Variants in ERC2 observed in about 807,000 individuals in gnomAD.
The protein encoded by ERC2 is ERC protein 2.
ERC2 carries 42 observed loss-of-function variants against 114.8 expected under a neutral mutation model. The observed-to-expected ratio is 0.37, with a 90% CI of 0.29 to 0.47. The LOEUF (loss-of-function observed/expected upper bound fraction) is 0.47. ERC2 is among the 20% of genes least tolerant of loss of function. The pLI is 0.99. For missense variants in ERC2, 939 were observed against 1,150.7 expected (o/e 0.82, Z 2.66); for synonymous variants, 454 against 425.5 (o/e 1.07, Z -0.82).
chr3:55,740,073 A>C (rs1244140626), intron 14 of ERC2, among the ~76,000 whole-genome samples: 5 of 152,084 alleles, frequency 3.3e-5, no homozygotes, highest in African/African-American at 1.2e-4. Flanking sequence ...TTAAGCTTTA[A>C]CACTTATTTA....
chr3:56,437,662 G>A (rs889653157), intron 1 of ERC2, among the ~76,000 whole-genome samples: 5 of 152,012 alleles, frequency 3.3e-5, no homozygotes, highest in Non-Finnish European at 7.4e-5. Context: ...GCTTAATTTT[G>A]TTTTTCTTGG....
chr3:56,255,507 A>C (rs548432041), intron 3 of ERC2, among the ~76,000 whole-genome samples: 3 of 152,256 alleles, frequency 2.0e-5, no homozygotes, highest in African/African-American at 7.2e-5. Flanking sequence ...AATGTGCATC[A>C]TCTCATCTCC....
chr3:56,104,989 C>T (rs773614707), intron 6 of ERC2, among the ~76,000 whole-genome samples: 16 of 151,852 alleles, frequency 1.1e-4, no homozygotes, highest in Non-Finnish European at 2.4e-4. Flanking sequence ...TGTAAGTCTC[C>T]ACTGAGAAGG....
At chr3:55,714,298 C>G (rs892077311) in intron 15 of ERC2, among the ~76,000 whole-genome samples, 3 of 151,992 alleles carry the variant, frequency 2.0e-5, no homozygotes, top group African/African-American at 4.8e-5. Context: ...ATATGTCTAC[C>G]CTGTGGTCCA....
chr3:55,924,412 G>A (rs1473113966), intron 13 of ERC2, among the ~76,000 whole-genome samples: 1 of 152,084 alleles, frequency 6.6e-6, no homozygotes, highest in Non-Finnish European at 1.5e-5. Flanking sequence ...TCCAGGTTTG[G>A]CCCACAGACC....
At chr3:55,961,890 T>G (rs558738753) in intron 12 of ERC2, among the ~76,000 whole-genome samples, 1 of 149,218 alleles carries the variant, frequency 6.7e-6, no homozygotes, top group South Asian at 2.1e-4. Context: ...CCTGGACTGA[T>G]TCTTCACATT....
intron 17 of ERC2, among the ~76,000 whole-genome samples, chr3:55,525,338 C>A (rs2053241106): frequency 6.6e-6 from 1 of 152,150 alleles, no homozygotes; most frequent in Non-Finnish European, 1.5e-5. Context: ...AGGACATAAA[C>A]CCTAATCTGG....
At chr3:55,687,504 T>G (rs936325893) in intron 16 of ERC2, among the ~76,000 whole-genome samples, 1 of 152,104 alleles carries the variant, frequency 6.6e-6, no homozygotes, top group African/African-American at 2.4e-5. Flanking sequence ...GGAAAGCAAG[T>G]AGAACCAGCG....
intron 2 of ERC2, among the ~76,000 whole-genome samples, chr3:56,307,803 T>G (rs185789848): frequency 1.1e-3 from 157 of 148,976 alleles, no homozygotes; most frequent in Non-Finnish European, 1.8e-3. Flanking sequence ...TATCATATAA[T>G]CATGTATTCA....
intron 13 of ERC2, among the ~76,000 whole-genome samples, chr3:55,935,585 C>T (rs1270654230): frequency 6.6e-6 from 1 of 152,172 alleles, no homozygotes; most frequent in Non-Finnish European, 1.5e-5. Flanking sequence ...AAAAGTATGG[C>T]TTCACTTAGA....
Position 55,820,930 on chromosome 3 carries a change from C to T in ERC2, c.2564+67459G>A, listed in dbSNP as rs575771656. On this transcript the variant is annotated intron_variant, in intron 14 of 17. Transcript: ENST00000288221. ...CAGCCTTCTTAGCCCCAGTGTCAGG[C>T]TAATGTTTTATAACTTGAAGGTTTC... Among the ~76,000 whole-genome samples, 5 of 152,220 alleles carry T rather than the reference C, an allele frequency of 3.3e-5. No homozygotes were observed. The South Asian group carries it at 1.0e-3, about 32-fold the overall frequency.
intron 7 of ERC2, among the ~76,000 whole-genome samples, chr3:56,056,784 T>C (rs1045924270): frequency 2.0e-5 from 3 of 152,154 alleles, no homozygotes; most frequent in African/African-American, 7.2e-5. Flanking sequence ...AGCCAATCAA[T>C]ATATTAAGAG....
chr3:55,862,497 T>A (rs1210836999), intron 14 of ERC2, among the ~76,000 whole-genome samples: 3 of 152,156 alleles, frequency 2.0e-5, no homozygotes, highest in Admixed American at 6.5e-5. Flanking sequence ...TATAACAGGA[T>A]AAACTAGGAT....
At chr3:55,855,068 A>G (rs2061733542) in intron 14 of ERC2, among the ~76,000 whole-genome samples, 2 of 152,188 alleles carry the variant, frequency 1.3e-5, no homozygotes, top group Admixed American at 6.5e-5. Flanking sequence ...CTCTCTTACC[A>G]ATGTTTATTT....
intron 2 of ERC2, among the ~76,000 whole-genome samples, chr3:56,337,575 A>G (rs1256750076): frequency 1.3e-5 from 2 of 152,258 alleles, no homozygotes; most frequent in East Asian, 3.8e-4. Flanking sequence ...AATGACAGTT[A>G]TGATTATTAT....
intron 17 of ERC2, among the ~76,000 whole-genome samples, chr3:55,604,317 T>G (rs968943798): frequency 6.6e-6 from 1 of 152,172 alleles, no homozygotes; most frequent in African/African-American, 2.4e-5. Context: ...GTGAGGCCAT[T>G]AATATTGATT....
chr3:55,535,920 A>G (rs1202389793), intron 17 of ERC2, among the ~76,000 whole-genome samples: 1 of 151,992 alleles, frequency 6.6e-6, no homozygotes, highest in Admixed American at 6.6e-5. Context: ...AATTGCTTGA[A>G]CCTGGGAGGC....
intron 14 of ERC2, among the ~76,000 whole-genome samples, chr3:55,759,194 G>A (rs550386011): frequency 6.6e-5 from 10 of 152,032 alleles, no homozygotes; most frequent in Admixed American, 5.2e-4. Context: ...CATTGCAAAT[G>A]GTATTCTAAA....
At chr3:56,205,848 G>A (rs2048693324) in intron 3 of ERC2, among the ~76,000 whole-genome samples, 1 of 152,156 alleles carries the variant, frequency 6.6e-6, no homozygotes, top group Non-Finnish European at 1.5e-5. Context: ...ATGGCTCTCT[G>A]AAATTTTATC....
Sources: allele counts gnomAD v4.1 joint callset (sites outside exome capture counted in the v4.1 genomes callset), GRCh38; gene constraint gnomAD v4.1.1; transcripts MANE v1.5; gene names NCBI Gene and HGNC (gene_info 2026-07-23, HGNC 2026-07-21).